The following CEP89 variants were observed in gnomAD, a reference collection of about 807,000 sequenced individuals.
The protein encoded by CEP89 is centrosomal protein of 89 kDa.
Under a neutral mutation model 97.6 loss-of-function variants are expected in CEP89, and 95 were observed. That is an observed-to-expected ratio of 0.97 (90% CI 0.82 to 1.15). CEP89 has a LOEUF of 1.15. CEP89 is among the 50% of genes most tolerant of loss of function. The pLI, the probability that CEP89 is intolerant of heterozygous loss-of-function variation, is 0.00. For missense variants in CEP89, 869 were observed against 947.7 expected (o/e 0.92, Z 1.09); for synonymous variants, 354 against 349.1 (o/e 1.01, Z -0.16).
At chr19:32,932,230 G>A (rs2145929502) in intron 8 of CEP89, among the ~76,000 whole-genome samples, 2 of 150,838 alleles carry the variant, frequency 1.3e-5, no homozygotes, top group South Asian at 4.2e-4. Context: ...CATGGAAAAT[G>A]TATTAGAGCT....
chr19:32,892,282 G>C lies in CEP89; in HGVS notation c.1876-4441C>G, dbSNP rs77577471. 1.8e-3 allele frequency among the ~76,000 whole-genome samples: 257 copies of C among 139,520 alleles called. 2 individuals are homozygous for C. The highest frequency in any genetic ancestry group is 4.6e-3 in the African/African-American group (176 of 38,604). The allele number at this position is 139,520 out of a possible 152,430, so 91.5% of individuals were successfully genotyped here. On this transcript the variant is annotated intron_variant, in intron 16 of 18. Transcript: ENST00000305768. ...AAGGAACTCTCATAAGACTAACAGCGTATTTCTTTCTTTTTTCTTTTTCCT... is the reference window on the plus strand; with the variant it reads ...AAGGAACTCTCATAAGACTAACAGCCTATTTCTTTCTTTTTTCTTTTTCCT...
chr19:32,922,534 C>A (rs2145917024), intron 12 of CEP89, among the ~76,000 whole-genome samples: 1 of 150,754 alleles, frequency 6.6e-6, no homozygotes, highest in East Asian at 2.0e-4. Flanking sequence ...CAGAGTGAGA[C>A]CCTAACTCTA....
At chr19:32,902,006 C>CTGTGTGTG (rs1287486651) in intron 14 of CEP89, among the ~76,000 whole-genome samples, 121 of 98,764 alleles carry the variant, frequency 1.2e-3, no homozygotes, top group African/African-American at 5.4e-3. Context: ...GTCTCTCTCT[C>CTGTGTGTG]TCTCTGTGTG....
chr19:32,892,129 C>CATAT (rs1969533484), intron 16 of CEP89, among the ~76,000 whole-genome samples: 1 of 126,430 alleles, frequency 7.9e-6, no homozygotes, highest in African/African-American at 4.0e-5. Context: ...TATATTTAGA[C>CATAT]ATATATATTT....
chr19:32,891,232 C>T (rs1969510243), intron 16 of CEP89, among the ~76,000 whole-genome samples: 1 of 152,210 alleles, frequency 6.6e-6, no homozygotes, highest in Non-Finnish European at 1.5e-5. Context: ...CTTCCCCTGC[C>T]CAATGCCTCC....
intron 1 of CEP89, among the ~76,000 whole-genome samples, chr19:32,968,436 T>C (rs1045392414): frequency 6.6e-6 from 1 of 152,142 alleles, no homozygotes; most frequent in Non-Finnish European, 1.5e-5. Flanking sequence ...TTGGTAGAGA[T>C]GGGGTTTTAC....
At chr19:32,883,541 G>C (rs748234131) in intron 17 of CEP89, among the ~76,000 whole-genome samples, 7 of 152,042 alleles carry the variant, frequency 4.6e-5, no homozygotes, top group Non-Finnish European at 8.8e-5. Context: ...GCTGGGCGTG[G>C]TGGCACATCT....
chr19:32,918,163 GA>G, intron 13 of CEP89, 60 bp downstream of exon 13: 1 of 1,341,444 alleles, frequency 7.5e-7, no homozygotes, highest in South Asian at 1.2e-5. Context: ...GAGAGAGATA[GA>G]AGGGTAAAAT....
chr19:32,945,507 C>T (rs1476526063), intron 5 of CEP89, among the ~76,000 whole-genome samples: 1 of 152,156 alleles, frequency 6.6e-6, no homozygotes. Flanking sequence ...CCAAATCCAC[C>T]TTCATGGCCA....
intron 9 of CEP89, among the ~76,000 whole-genome samples, chr19:32,929,557 G>A (rs573135556): frequency 6.6e-6 from 1 of 151,882 alleles, no homozygotes; most frequent in South Asian, 2.1e-4. Context: ...AGCTGAGATT[G>A]TGCATGCTGC....
At chr19:32,898,652 T>C (rs976281912) in intron 16 of CEP89, among the ~76,000 whole-genome samples, 1 of 151,852 alleles carries the variant, frequency 6.6e-6, no homozygotes, top group Non-Finnish European at 1.5e-5. Context: ...GAGGCCGAGG[T>C]GGGCAGATCT....
intron 16 of CEP89, among the ~76,000 whole-genome samples, chr19:32,888,682 CAA>C (rs141470151): frequency 3.2e-5 from 4 of 126,908 alleles, no homozygotes; most frequent in Non-Finnish European, 3.4e-5. Flanking sequence ...GATTCTGTCT[CAA>C]AAAAAAAAAA....
chr19:32,901,865 T>G (rs887335065), intron 14 of CEP89, among the ~76,000 whole-genome samples: 2 of 152,188 alleles, frequency 1.3e-5, no homozygotes, highest in African/African-American at 4.8e-5. Flanking sequence ...GCTCAAGTGA[T>G]CCTCCTGCCT....
At chr19:32,929,777 T>C (rs1599750768) in intron 9 of CEP89, among the ~76,000 whole-genome samples, 3 of 152,258 alleles carry the variant, frequency 2.0e-5, no homozygotes, top group East Asian at 3.9e-4. Flanking sequence ...CAAGCAGGTT[T>C]TGAATTATAG....
chr19:32,951,532 T>TAC (rs1227138116), intron 4 of CEP89, among the ~76,000 whole-genome samples: 1,285 of 112,334 alleles, frequency 0.011, 9 homozygotes, highest in South Asian at 0.062. Context: ...TATATATATA[T>TAC]ATACACACAC....
chr19:32,903,516 G>A (rs543980314), intron 14 of CEP89, among the ~76,000 whole-genome samples: 13 of 152,204 alleles, frequency 8.5e-5, no homozygotes, highest in Admixed American at 1.3e-4. Context: ...GGACAGAGAC[G>A]GAGAATACAA....
chr19:32,897,352 T>C (rs1331452942), intron 16 of CEP89, among the ~76,000 whole-genome samples: 1 of 152,142 alleles, frequency 6.6e-6, no homozygotes, highest in Non-Finnish European at 1.5e-5. Flanking sequence ...TGGTCTTAGG[T>C]AGAAGAACAA....
chr19:32,884,394 A>AG (rs1969350165), intron 17 of CEP89, among the ~76,000 whole-genome samples: 1 of 152,104 alleles, frequency 6.6e-6, no homozygotes, highest in Non-Finnish European at 1.5e-5. Flanking sequence ...TCCAAAAAAT[A>AG]TTGTTTTCCC....
intron 16 of CEP89, among the ~76,000 whole-genome samples, chr19:32,888,904 G>C (rs1969456349): frequency 6.6e-6 from 1 of 151,804 alleles, no homozygotes; most frequent in East Asian, 2.0e-4. Flanking sequence ...CCACCTCCTG[G>C]GCTCAAGAGA....
Sources: allele counts gnomAD v4.1 joint callset (sites outside exome capture counted in the v4.1 genomes callset), GRCh38; gene constraint gnomAD v4.1.1; transcripts MANE v1.5; gene names NCBI Gene and HGNC (gene_info 2026-07-23, HGNC 2026-07-21).